The following BRD4 variants were observed in gnomAD, a reference collection of about 807,000 sequenced individuals.
The protein encoded by BRD4 is bromodomain containing 4, also known as bromodomain-containing protein 4.
Under a neutral mutation model 142.1 loss-of-function variants are expected in BRD4, and 16 were observed. That is an observed-to-expected ratio of 0.11 (90% CI 0.08 to 0.17). The LOEUF (loss-of-function observed/expected upper bound fraction) is 0.17, where lower values mean the gene tolerates loss of function less well. BRD4 is among the 10% of genes least tolerant of loss of function. The pLI is 1.00. For missense variants in BRD4, 1,424 were observed against 1,810.9 expected (o/e 0.79, Z 3.88); for synonymous variants, 833 against 707.5 (o/e 1.18, Z -2.82).
intron 11 of BRD4, chr19:15,247,302 G>A (rs1599438466): frequency 8.6e-6 from 2 of 232,148 alleles, no homozygotes; most frequent in South Asian, 1.8e-4. Flanking sequence ...CAGCCAGCTG[G>A]TGCGTCGAGG....
intron 7 of BRD4, among the ~76,000 whole-genome samples, chr19:15,262,077 T>C (rs968289040): frequency 1.4e-4 from 22 of 151,994 alleles, no homozygotes; most frequent in African/African-American, 5.3e-4. Context: ...CCACAGAGAA[T>C]AGGAGAGACA....
At position 15,243,628 on chromosome 19, in the gene BRD4, G is replaced by T. The variant is rs575784117; in HGVS notation, c.2582-141C>A. ...AACTGGCACTCCCTCCCCACCTACC[G>T]TGGCCTCCCACAAACTCCAGAGCAG... On this transcript the variant is annotated intron_variant, in intron 13 of 19. Transcript: ENST00000679869. The T allele has an allele frequency of 3.7e-6, 5 of 1,367,336 alleles. No individual in the cohort carries two copies. The South Asian group carries it at 8.5e-5, about 23-fold the overall frequency. The allele number at this position is 1,367,336 out of a possible 1,614,324, so 84.7% of individuals were successfully genotyped here. A position where few individuals can be genotyped will look rare whatever the true frequency, so the allele number is the denominator to read the frequency against.
intron 1 of BRD4, among the ~76,000 whole-genome samples, chr19:15,326,800 C>T (rs2048112035): frequency 6.6e-6 from 1 of 152,218 alleles, no homozygotes; most frequent in Non-Finnish European, 1.5e-5. Context: ...TCTGCTTCTT[C>T]AGAGTGGACT....
At chr19:15,278,643 T>C (rs1326389228) in intron 1 of BRD4, among the ~76,000 whole-genome samples, 3 of 150,534 alleles carry the variant, frequency 2.0e-5, no homozygotes, top group Non-Finnish European at 4.4e-5. Flanking sequence ...TGTTGAGACA[T>C]TGGTACTTAT....
rs148664288 is a variant in BRD4, at chr19:15,240,013, C to T, written c.3179G>A (p.Arg1060His). The change falls in exon 15 of 20, where the codon CGC (arginine) becomes CAC (histidine). Residue 1060 changes from arginine to histidine, a missense_variant. Physicochemically the swap from Arg to His is conservative, Grantham distance 29. Coordinates refer to ENST00000679869, the MANE Select transcript of BRD4 (RefSeq NM_001379291.1). ...TATCATAAGCGGGGAGGGGGCTTCG[C>T]GGAGGTGACCTAGGAGAAGGGACAA... is the stretch of plus-strand genomic sequence containing the variant. Reference protein sequence around the residue: ...KSDPYSTGHLREAPSPLMIHS... With the variant: ...KSDPYSTGHLHEAPSPLMIHS... 92 of 1,610,782 alleles carry T rather than the reference C, an allele frequency of 5.7e-5. No individual in the cohort carries two copies. Among genetic ancestry groups the T allele is most frequent in the African/African-American group, 3.3e-4 (25 of 74,844 alleles).
chr19:15,244,148 C>G, intron 13 of BRD4, 83 bp downstream of exon 13: 1 of 1,533,250 alleles, frequency 6.5e-7, no homozygotes, highest in Non-Finnish European at 8.7e-7. Context: ...TAAGAAGCTG[C>G]CCAGCCAGAG....
At position 15,244,217 on chromosome 19, in the gene BRD4, AG is replaced by A. The variant is rs745904527; in HGVS notation, c.2581+13del. On this transcript the variant is annotated intron_variant, in intron 13 of 19. Coordinates refer to ENST00000679869, the MANE Select transcript of BRD4 (RefSeq NM_001379291.1). The stretch of plus-strand genomic sequence containing the variant: ...AAGGGGTCTCAACCCACACTGGGGC[AG>A]GCCACGGCTCACCTGGAGGAGAGAC... 1.3e-6 allele frequency: 2 copies of A among 1,548,600 alleles called. No homozygotes were observed. The highest frequency in any genetic ancestry group is 2.4e-5 in the South Asian group (2 of 84,364).
Position 15,244,553 on chromosome 19 carries a change from C to A in BRD4, c.2259G>T (p.Val753=). The change falls in exon 13 of 20, where the codon GTG becomes GTT. Residue 753 remains valine, a synonymous_variant. Coordinates refer to ENST00000679869, the MANE Select transcript of BRD4 (RefSeq NM_001379291.1). ...GGGGAGGCGGGGGCGGCTGCTGGGGCACAGGAGCCGGGGCCTGCTGCATCT... is the reference window on the plus strand; with the variant it reads ...GGGGAGGCGGGGGCGGCTGCTGGGGAACAGGAGCCGGGGCCTGCTGCATCT... ...HQQMQQAPAP[V]PQQPPPPPQQ... is the part of the protein sequence containing the mutation. 6.3e-7 allele frequency: 1 copy of A among 1,599,734 alleles called. No individual in the cohort carries two copies. Among genetic ancestry groups the A allele is most frequent in the Non-Finnish European group, 8.5e-7 (1 of 1,178,468 alleles).
intron 11 of BRD4, among the ~76,000 whole-genome samples, chr19:15,246,279 G>C (rs553987383): frequency 8.1e-4 from 124 of 152,312 alleles, no homozygotes; most frequent in African/African-American, 2.9e-3. Context: ...CTGCTGTGGT[G>C]GTGGGGGGAG....
chr19:15,256,850 G>C (rs1042995405), intron 8 of BRD4, 114 bp downstream of exon 8: 1 of 933,142 alleles, frequency 1.1e-6, no homozygotes, highest in African/African-American at 1.7e-5. Context: ...TGGTCCAGTG[G>C]GAATTATGCT....
At chr19:15,293,059 TGCTAAAA>T (rs1289705577) in intron 1 of BRD4, among the ~76,000 whole-genome samples, 5 of 152,130 alleles carry the variant, frequency 3.3e-5, no homozygotes, top group African/African-American at 1.2e-4. Flanking sequence ...CTACTGTCGA[TGCTAAAA>T]GTTCAAGGAG....
At chr19:15,318,730 C>T (rs2048036769) in intron 1 of BRD4, among the ~76,000 whole-genome samples, 1 of 152,230 alleles carries the variant, frequency 6.6e-6, no homozygotes, top group African/African-American at 2.4e-5. Flanking sequence ...AGGCTCCATA[C>T]CAACAGCAAA....
chr19:15,257,048 G>A lies in BRD4; in HGVS notation c.1467C>T (p.Ser489=), dbSNP rs1244890225. 6.2e-7 allele frequency: 1 copy of A among 1,600,970 alleles called. No individual in the cohort carries two copies. The highest frequency in any genetic ancestry group is 1.1e-5 in the South Asian group (1 of 88,410). Residue 489 remains serine (S), a synonymous_variant, in exon 8 of 20, where the codon AGC becomes AGT. Transcript: ENST00000679869. ...TGTCACTGTCCGAGGAGCTATCGCT[G>A]CTGCTGTCGCTGGATGAGGGCGGGG... ...VVAPPSSSDS[S]SDSSSDSDSS... is the part of the protein sequence containing the mutation.
At chr19:15,240,084 T>C (rs909305059) in intron 14 of BRD4, 62 bp from the exon 15 acceptor site, 36 of 1,541,260 alleles carry the variant, frequency 2.3e-5, no homozygotes, top group African/African-American at 6.9e-5. Context: ...CCTGAGAGAA[T>C]TGTCGGGAAG....
chr19:15,257,215 AGGCCGC>A (rs1386271979), intron 7 of BRD4, 42 bp from the exon 8 acceptor site: 9 of 1,547,562 alleles, frequency 5.8e-6, no homozygotes, highest in Non-Finnish European at 7.9e-6. Flanking sequence ...CTGGGTACCC[AGGCCGC>A]GGCCTAGCAT....
At chr19:15,327,041 T>G (rs1200175609) in intron 1 of BRD4, among the ~76,000 whole-genome samples, 1 of 152,154 alleles carries the variant, frequency 6.6e-6, no homozygotes, top group African/African-American at 2.4e-5. Flanking sequence ...GAATACAACA[T>G]GTCAACATGC....
At position 15,316,389 on chromosome 19, in the gene BRD4, A is replaced by C. The variant is rs570359368; in HGVS notation, c.-35+15901T>G. Among the ~76,000 whole-genome samples, 8 of 152,120 alleles carry C rather than the reference A, an allele frequency of 5.3e-5. No individual in the cohort carries two copies. The South Asian group carries it at 1.7e-3, about 32-fold the overall frequency. On this transcript the variant is annotated intron_variant, in intron 1 of 19. Coordinates refer to ENST00000679869, the MANE Select transcript of BRD4 (RefSeq NM_001379291.1). ...TGGATCACCTGAGATCAGGAGTTCG[A>C]GACCAGCCTGGCCAACGTGGTGAAA...
chr19:15,281,397 C>A (rs1201521148), intron 1 of BRD4, among the ~76,000 whole-genome samples: 1 of 152,238 alleles, frequency 6.6e-6, no homozygotes, highest in Admixed American at 6.5e-5. Flanking sequence ...GGAGGGGACA[C>A]AGGCACACAA....
intron 1 of BRD4, among the ~76,000 whole-genome samples, chr19:15,327,095 C>T (rs936508354): frequency 5.9e-5 from 9 of 152,166 alleles, no homozygotes; most frequent in African/African-American, 2.2e-4. Flanking sequence ...TAAACAGTTA[C>T]TCAGTATCCC....
Sources: gnomAD v4.1 joint callset for allele counts (sites outside exome capture counted in the v4.1 genomes callset) on GRCh38, gnomAD v4.1.1 for gene constraint, MANE v1.5 for transcripts, NCBI Gene and HGNC (gene_info 2026-07-23, HGNC 2026-07-21) for gene names.